GRIK1: variants seen among roughly 807,000 people sequenced by gnomAD.
The protein encoded by GRIK1 is glutamate ionotropic receptor kainate type subunit 1, also known as glutamate receptor ionotropic, kainate 1.
In GRIK1, 69 loss-of-function variants were observed where a neutral mutation model predicts 105.7. The ratio of observed to expected loss-of-function variants is 0.65; its 90% CI spans 0.54 to 0.80. The LOEUF is 0.80. Ranked by LOEUF, GRIK1 falls within the 30% of genes least tolerant of loss-of-function variation. GRIK1 has a pLI of 0.00. For synonymous variants in GRIK1, 438 were observed against 431.3 expected (o/e 1.02, Z -0.19); for missense variants, 1,109 against 1,167.3 (o/e 0.95, Z 0.73).
chr21:29,611,797 G>A (rs970742794), intron 7 of GRIK1, among the ~76,000 whole-genome samples: 2 of 152,126 alleles, frequency 1.3e-5, no homozygotes, highest in South Asian at 4.1e-4. Flanking sequence ...CTTTATATGG[G>A]TCATAAGGAG....
chr21:29,845,209 A>AT (rs1481836232), intron 1 of GRIK1, among the ~76,000 whole-genome samples: 1 of 151,706 alleles, frequency 6.6e-6, no homozygotes, highest in Admixed American at 6.6e-5. Flanking sequence ...TCTTGGAATT[A>AT]TTTTTTCTCC....
chr21:29,560,469 C>T (rs2090422754), intron 15 of GRIK1, among the ~76,000 whole-genome samples: 4 of 119,740 alleles, frequency 3.3e-5, no homozygotes, highest in African/African-American at 7.3e-5. Context: ...CCTTCCTTTC[C>T]TTTCTCTCTC....
At chr21:29,696,282 C>T (rs996234070) in intron 1 of GRIK1, among the ~76,000 whole-genome samples, 1 of 152,028 alleles carries the variant, frequency 6.6e-6, no homozygotes, top group African/African-American at 2.4e-5. Context: ...CTACTATGTA[C>T]CCACAAAAAC....
intron 1 of GRIK1, among the ~76,000 whole-genome samples, chr21:29,773,594 A>G (rs1366994679): frequency 6.6e-6 from 1 of 152,182 alleles, no homozygotes; most frequent in Non-Finnish European, 1.5e-5. Context: ...TAACTAGATC[A>G]TCCCGCTTGG....
chr21:29,682,605 G>C (rs1025480085), intron 3 of GRIK1, among the ~76,000 whole-genome samples: 17 of 152,134 alleles, frequency 1.1e-4, no homozygotes, highest in Admixed American at 9.8e-4. Context: ...CAGGACCCCT[G>C]TCTTTCACTA....
chr21:29,729,289 G>A (rs1440398812), intron 1 of GRIK1, among the ~76,000 whole-genome samples: 2 of 152,136 alleles, frequency 1.3e-5, no homozygotes, highest in Non-Finnish European at 2.9e-5. Flanking sequence ...CATGCCGGAA[G>A]AAGCCCTAGT....
At chr21:29,628,757 A>G (rs1269787585) in intron 7 of GRIK1, among the ~76,000 whole-genome samples, 1 of 152,192 alleles carries the variant, frequency 6.6e-6, no homozygotes, top group Non-Finnish European at 1.5e-5. Flanking sequence ...TGGTCAATAA[A>G]ACCCAAAAAT....
At chr21:29,797,455 A>G (rs746532755) in intron 1 of GRIK1, among the ~76,000 whole-genome samples, 7 of 152,118 alleles carry the variant, frequency 4.6e-5, no homozygotes, top group Non-Finnish European at 1.0e-4. Context: ...CTATTCCTGG[A>G]GTGGAGAGAT....
At chr21:29,574,594 G>C (rs2090837394) in intron 14 of GRIK1, among the ~76,000 whole-genome samples, 1 of 151,682 alleles carries the variant, frequency 6.6e-6, no homozygotes, top group Non-Finnish European at 1.5e-5. Context: ...AGCTTGCAAA[G>C]CCGTAATGTC....
intron 1 of GRIK1, among the ~76,000 whole-genome samples, chr21:29,734,356 C>A (rs552999094): frequency 6.9e-5 from 1 of 14,498 alleles, no homozygotes; most frequent in African/African-American, 1.4e-4. Flanking sequence ...CTTTTCTTTT[C>A]TTTTCTTTTC....
At chr21:29,905,548 T>C (rs1439708218) in intron 1 of GRIK1, among the ~76,000 whole-genome samples, 3 of 150,754 alleles carry the variant, frequency 2.0e-5, no homozygotes, top group Non-Finnish European at 3.0e-5. Flanking sequence ...TGGGTTCAAG[T>C]GATTCTCGTG....
chr21:29,659,650 A>C (rs1367835479), intron 4 of GRIK1, among the ~76,000 whole-genome samples: 3 of 152,186 alleles, frequency 2.0e-5, no homozygotes, highest in African/African-American at 7.2e-5. Flanking sequence ...TAAATGGGTC[A>C]TCAGAAGGCA....
At chr21:29,714,923 T>C (rs1486348592) in intron 1 of GRIK1, among the ~76,000 whole-genome samples, 1 of 152,210 alleles carries the variant, frequency 6.6e-6, no homozygotes, top group Non-Finnish European at 1.5e-5. Flanking sequence ...ATTGTGTCAA[T>C]ATTCTTCCAA....
chr21:29,813,409 T>C (rs1356540090), intron 1 of GRIK1, among the ~76,000 whole-genome samples: 1 of 152,082 alleles, frequency 6.6e-6, no homozygotes, highest in Non-Finnish European at 1.5e-5. Flanking sequence ...TGAGTCCTCT[T>C]AGGAGCACAA....
At chr21:29,797,847 C>G (rs914829849) in intron 1 of GRIK1, among the ~76,000 whole-genome samples, 2 of 152,158 alleles carry the variant, frequency 1.3e-5, no homozygotes, top group Non-Finnish European at 2.9e-5. Context: ...GAGGTTTCCT[C>G]CTGCAATGCC....
chr21:29,637,069 A>G (rs1296843932), intron 7 of GRIK1, among the ~76,000 whole-genome samples: 1 of 152,174 alleles, frequency 6.6e-6, no homozygotes, highest in Admixed American at 6.5e-5. Context: ...GGTTTTAGGG[A>G]AGCCAGGGTG....
chr21:29,798,180 A>G (rs2145844943), intron 1 of GRIK1, among the ~76,000 whole-genome samples: 1 of 152,310 alleles, frequency 6.6e-6, no homozygotes, highest in East Asian at 1.9e-4. Flanking sequence ...TCTGTCTTGC[A>G]TTGATCCAAC....
intron 1 of GRIK1, among the ~76,000 whole-genome samples, chr21:29,721,073 C>T (rs1212467958): frequency 6.6e-6 from 1 of 152,060 alleles, no homozygotes; most frequent in Non-Finnish European, 1.5e-5. Context: ...TTACTCTCCC[C>T]CTAAGTTGCT....
chr21:29,937,234 G>A (rs1257369220), intron 1 of GRIK1, among the ~76,000 whole-genome samples: 11 of 152,190 alleles, frequency 7.2e-5, no homozygotes, highest in African/African-American at 2.4e-4. Context: ...TTTCCACAGT[G>A]TGCTAAACTG....
Sources: allele counts gnomAD v4.1 joint callset (sites outside exome capture counted in the v4.1 genomes callset), GRCh38; gene constraint gnomAD v4.1.1; transcripts MANE v1.5; gene names NCBI Gene and HGNC (gene_info 2026-07-23, HGNC 2026-07-21).